Variants in SRSF5 observed in about 807,000 individuals in gnomAD.
The protein encoded by SRSF5 is serine and arginine rich splicing factor 5.
Under a neutral mutation model 34.0 loss-of-function variants are expected in SRSF5, and 5 were observed. That is an observed-to-expected ratio of 0.15 (90% CI 0.08 to 0.31). The LOEUF (loss-of-function observed/expected upper bound fraction) is 0.31, where lower values mean the gene tolerates loss of function less well. SRSF5 is among the 10% of genes least tolerant of loss of function. The pLI, the probability that SRSF5 is intolerant of heterozygous loss-of-function variation, is 1.00. For missense variants in SRSF5, 223 were observed against 351.4 expected (o/e 0.63, Z 2.92); for synonymous variants, 164 against 117.7 (o/e 1.39, Z -2.55).
intron 5 of SRSF5, chr14:69,769,974 A>G (rs548803454): frequency 7.6e-6 from 8 of 1,050,610 alleles, no homozygotes; most frequent in Non-Finnish European, 8.0e-6. Context: ...AGTCGGGCAT[A>G]TGTCATGAAG....
At chr14:69,767,543 C>T (rs573664825) in intron 1 of SRSF5, 381 of 455,980 alleles carry the variant, frequency 8.4e-4, no homozygotes, top group Non-Finnish European at 1.5e-3. Context: ...GCCGGGATCT[C>T]CCTGACTTTG....
At chr14:69,769,879 G>A in intron 5 of SRSF5, 3 of 1,198,266 alleles carry the variant, frequency 2.5e-6, no homozygotes, top group East Asian at 4.2e-5. Flanking sequence ...GTCTGCATCC[G>A]CCAATAGTCC....
At chr14:69,770,924 C>T (rs1883128258) in intron 6 of SRSF5, 71 bp from the exon 7 acceptor site, 9 of 1,331,524 alleles carry the variant, frequency 6.8e-6, no homozygotes, top group East Asian at 4.6e-5. Flanking sequence ...AACGACTTAC[C>T]TAGACTGCTG....
chr14:69,768,737 T>A, intron 3 of SRSF5, 61 bp from the exon 4 acceptor site: 1 of 1,611,860 alleles, frequency 6.2e-7, no homozygotes, highest in Middle Eastern at 1.7e-4. Context: ...GCTGGCATAT[T>A]TTTCTAAGTA....
At chr14:69,770,087 G>A in intron 5 of SRSF5, 1 of 1,025,842 alleles carries the variant, frequency 9.7e-7, no homozygotes, top group Non-Finnish European at 1.2e-6. Flanking sequence ...AAAATAACTG[G>A]TGTCTTGTAA....
rs755766439 is a variant in SRSF5, at chr14:69,771,425, C to G, written c.783C>G (p.Ser261=). 6.2e-7 allele frequency: 1 copy of G among 1,614,092 alleles called. No individual in the cohort carries two copies. The highest frequency in any genetic ancestry group is 1.7e-5 in the Admixed American group (1 of 60,020). ...PASVDRQRSR[S]RSRSRSVDSG... ...CTGTGGATCGCCAGAGGTCCCGGTC[C>G]CGATCAAGGTCCAGATCAGTTGACA... is the stretch of plus-strand genomic sequence containing the variant. The change falls in exon 8 of 8, where the codon TCC becomes TCG. Residue 261 remains serine (S), a synonymous_variant. Transcript: ENST00000557154.
intron 5 of SRSF5, 169 bp downstream of exon 5, chr14:69,769,420 A>G (rs1881552361): frequency 6.6e-7 from 1 of 1,521,426 alleles, no homozygotes; most frequent in African/African-American, 1.4e-5. Context: ...TTGAACTTTA[A>G]TATTAGTGAT....
At chr14:69,769,664 T>C (rs935941799) in intron 5 of SRSF5, 8 of 1,514,506 alleles carry the variant, frequency 5.3e-6, no homozygotes, top group Non-Finnish European at 7.0e-6. Flanking sequence ...GGTCTAGACG[T>C]TATCGGTGCA....
chr14:69,770,162 C>A, intron 5 of SRSF5: 1 of 1,085,740 alleles, frequency 9.2e-7, no homozygotes, highest in Non-Finnish European at 1.1e-6. Flanking sequence ...TGTACTGTTT[C>A]CTTTTTTGTT....
intron 1 of SRSF5, 120 bp downstream of exon 1, chr14:69,767,375 TTC>T: frequency 2.2e-6 from 1 of 455,760 alleles, no homozygotes; most frequent in Middle Eastern, 3.3e-4. Flanking sequence ...GCGCAGTTGA[TTC>T]GAGGTGGGCG....
intron 6 of SRSF5, 40 bp from the exon 7 acceptor site, chr14:69,770,955 A>G (rs1385715965): frequency 6.5e-7 from 1 of 1,541,330 alleles, no homozygotes; most frequent in Non-Finnish European, 8.9e-7. Flanking sequence ...GTGAGACTAC[A>G]GGATGTATAT....
rs527958448 is a variant in SRSF5 at position 69,768,869 on chromosome 14, G to A, written c.269G>A (p.Ser90Asn). The change falls in exon 4 of 8, where the codon AGT (serine) becomes AAT (asparagine). Residue 90 changes from serine to asparagine, a missense_variant. Transcript: ENST00000557154. ...AGAGGACGATACTCTGACCGTTTTAGTAGTCGCAGACCTCGAAATGATAGA... is the reference window on the plus strand; with the variant it reads ...AGAGGACGATACTCTGACCGTTTTAATAGTCGCAGACCTCGAAATGATAGA... ...RGRGRYSDRF[S>N]SRRPRNDRRN... 6.2e-7 allele frequency: 1 copy of A among 1,614,216 alleles called. No individual in the cohort carries two copies. Among genetic ancestry groups the A allele is most frequent in the East Asian group, 2.2e-5 (1 of 44,886 alleles).
At chr14:69,768,484 G>A (rs1230462164) in intron 2 of SRSF5, 120 bp from the exon 3 acceptor site, 2 of 1,231,938 alleles carry the variant, frequency 1.6e-6, no homozygotes, top group Non-Finnish European at 2.3e-6. Context: ...GATTAGGTTT[G>A]ACTGTATGGC....
rs1447031580 is a variant in SRSF5, at chr14:69,769,260, A to G, written c.366+9A>G. On this transcript the variant is annotated intron_variant, in intron 5 of 7. Coordinates refer to ENST00000557154, the MANE Select transcript of SRSF5 (RefSeq NM_001320214.2). ...CAAGAGTCAGCTGGCAGGTTTGTTGAAATACAGTTTTGAGTTATTTTGATG... is the reference window on the plus strand; with the variant it reads ...CAAGAGTCAGCTGGCAGGTTTGTTGGAATACAGTTTTGAGTTATTTTGATG... 5.6e-6 allele frequency: 9 copies of G among 1,613,956 alleles called. No homozygotes were observed. The East Asian group carries it at 1.6e-4, about 28-fold the overall frequency.
rs1406723977 is a variant in SRSF5, at chr14:69,767,275, G to C, written c.-20+20G>C. On this transcript the variant is annotated intron_variant, in intron 1 of 7. Transcript: ENST00000557154. ...CGGTAGGTGAGTGGCTCACTTTGAG[G>C]GCAAGCCTTCTCGGATCGAGGCTTC... 1 of 403,030 alleles carries C rather than the reference G, an allele frequency of 2.5e-6. No homozygotes were observed. Among genetic ancestry groups the C allele is most frequent in the Non-Finnish European group, 4.8e-6 (1 of 209,082 alleles). 25.0% of individuals were successfully genotyped at this position (403,030 alleles called of 1,614,324 possible). A position where few individuals can be genotyped will look rare whatever the true frequency, so the allele number is the denominator to read the frequency against.
chr14:69,770,624 T>C, intron 6 of SRSF5, 84 bp downstream of exon 6: 1 of 1,231,500 alleles, frequency 8.1e-7, no homozygotes, highest in Non-Finnish European at 1.2e-6. Flanking sequence ...AAAATTTGAA[T>C]ATGTTAGAAT....
intron 6 of SRSF5, chr14:69,770,765 A>G: frequency 1.6e-6 from 1 of 636,636 alleles, no homozygotes; most frequent in Non-Finnish European, 2.7e-6. Flanking sequence ...AGTAGGGGCT[A>G]GGCATCCTGC....
Position 69,767,167 on chromosome 14 carries a change from G to C in SRSF5, c.-108G>C. The stretch of plus-strand genomic sequence containing the variant: ...GTCAGTTGTGGAGTGGCGTAGACGA[G>C]TTAAGTCCTGGTCTGCGTGGAGGTC... On this transcript the variant is annotated 5_prime_UTR_variant, in exon 1 of 8. Coordinates refer to ENST00000557154, the MANE Select transcript of SRSF5 (RefSeq NM_001320214.2). 2.9e-6 allele frequency: 1 copy of C among 347,892 alleles called. No homozygotes were observed. Among genetic ancestry groups the C allele is most frequent in the South Asian group, 2.2e-5 (1 of 46,084 alleles). The allele number at this position is 347,892 out of a possible 1,614,324, so 21.6% of individuals were successfully genotyped here.
Position 69,771,293 on chromosome 14 carries a change from C to CAGGAGG in SRSF5, c.656_657insGAGGAG (p.Arg218_Ser219insArgArg), listed in dbSNP as rs776171494. ...GCAAATCTTACAGCCGGTCAAGAAG[C>CAGGAGG]AGGAGCAGGAGCCGGAGCCGGAGCA... On this transcript the variant is annotated inframe_insertion, in exon 8 of 8. Transcript: ENST00000557154. The CAGGAGG allele has an allele frequency of 6.2e-7, 1 of 1,613,824 alleles. No homozygotes were observed. Among genetic ancestry groups the CAGGAGG allele is most frequent in the Admixed American group, 1.7e-5 (1 of 59,980 alleles).
Sources: gnomAD v4.1 joint callset for allele counts on GRCh38, gnomAD v4.1.1 for gene constraint, MANE v1.5 for transcripts, NCBI Gene and HGNC (gene_info 2026-07-23, HGNC 2026-07-21) for gene names.